GPBP1: variants seen among roughly 807,000 people sequenced by gnomAD.
The protein encoded by GPBP1 is vasculin.
GPBP1 carries 13 observed loss-of-function variants against 56.5 expected under a neutral mutation model. That is an observed-to-expected ratio of 0.23 (90% CI 0.15 to 0.37). The LOEUF is 0.37. Ranked by LOEUF, GPBP1 falls within the 10% of genes least tolerant of loss-of-function variation. The pLI is 1.00. For synonymous variants in GPBP1, 204 were observed against 188.9 expected, an observed-to-expected ratio of 1.08 and a Z score of -0.66; for missense variants, 477 against 572.3, an observed-to-expected ratio of 0.83 and a Z score of 1.70.
chr5:57,189,262 G>A (rs1275550544), intron 2 of GPBP1, among the ~76,000 whole-genome samples: 1 of 152,204 alleles, frequency 6.6e-6, no homozygotes. Context: ...GGGATTACAG[G>A]TGCCTGCCAC....
rs960836041 is a variant in GPBP1 at position 57,263,796 on chromosome 5, C to T, written c.*1044C>T. ...GAATGACTGTTAACTACTTTATTTT[C>T]ATTTGCACATTAATTTTGGAATTGT... On this transcript the variant is annotated 3_prime_UTR_variant, in exon 12 of 12. Transcript: ENST00000506184. 1 of 152,082 alleles carries T rather than the reference C, an allele frequency of 6.6e-6. No individual in the cohort carries two copies. 9.4% of individuals were successfully genotyped at this position (152,082 alleles called of 1,614,324 possible).
intron 2 of GPBP1, among the ~76,000 whole-genome samples, chr5:57,183,817 G>C (rs979405839): frequency 6.7e-6 from 1 of 148,548 alleles, no homozygotes; most frequent in African/African-American, 2.5e-5. Flanking sequence ...TATCACCCAG[G>C]CTGGAGGGCA....
At chr5:57,213,471 CTTTTTT>C (rs138933215) in intron 2 of GPBP1, among the ~76,000 whole-genome samples, 23 of 144,950 alleles carry the variant, frequency 1.6e-4, no homozygotes, top group African/African-American at 5.8e-4. Flanking sequence ...TCATAATTTT[CTTTTTT>C]TTTTTTTAAG....
In GPBP1 at chr5:57,246,362, A is replaced by G. The variant is rs1312534320; in HGVS notation, c.541A>G (p.Lys181Glu). 7 of 1,613,738 alleles carry G rather than the reference A, an allele frequency of 4.3e-6. No individual in the cohort carries two copies. Among genetic ancestry groups the G allele is most frequent in the Non-Finnish European group, 5.9e-6 (7 of 1,179,644 alleles). Residue 181 changes from lysine to glutamate, a missense_variant, in exon 7 of 12, where the codon AAA becomes GAA. Lys to Glu is a moderately conservative substitution (Grantham distance 56). This residue lies in a region of GPBP1 where 414 missense variants were observed against 458.2 expected (regional missense o/e 0.90). Transcript: ENST00000506184. ...RMLVIKKGNT[K>E]DLQLSGFPVV... ...GCTGGTCATTAAGAAAGGTAATACA[A>G]AAGACTTACAGCTATCTGGATTCCC... is the stretch of plus-strand genomic sequence containing the variant.
intron 10 of GPBP1, among the ~76,000 whole-genome samples, chr5:57,251,990 CATTTAAAAA>C (rs1741414157): frequency 6.6e-6 from 1 of 152,126 alleles, no homozygotes; most frequent in Non-Finnish European, 1.5e-5. Flanking sequence ...ATACTTCGCT[CATTTAAAAA>C]TTACATTTTC....
rs140120020 is a variant in GPBP1, at chr5:57,249,566, G to T, written c.962G>T (p.Gly321Val). The change falls in exon 9 of 12, where the codon GGC (glycine) becomes GTC (valine). Residue 321 changes from glycine (G) to valine (V), a missense_variant. Gly to Val is a moderately radical substitution (Grantham distance 109). Around this residue, in one of 2 missense-constraint regions of GPBP1, gnomAD observed 414 missense variants for 458.2 expected, o/e 0.90. Coordinates refer to ENST00000506184, the MANE Select transcript of GPBP1 (RefSeq NM_022913.4). ...GAACATGAAGATGAAAGCCGTGCTG[G>T]CTCAGAGAAGGTAATTGAATTTATA... ...EEEHEDESRA[G>V]SEKDDDSFNL... 3.3e-5 allele frequency: 53 copies of T among 1,597,352 alleles called. No individual in the cohort carries two copies. The East Asian group carries it at 1.1e-3, about 34-fold the overall frequency.
intron 2 of GPBP1, among the ~76,000 whole-genome samples, chr5:57,180,973 C>A (rs1220616925): frequency 1.3e-5 from 2 of 152,172 alleles, no homozygotes; most frequent in Non-Finnish European, 2.9e-5. Context: ...AACTCCTGAT[C>A]TCAGGTGATC....
chr5:57,181,161 G>C (rs1008022685), intron 2 of GPBP1, among the ~76,000 whole-genome samples: 2 of 152,068 alleles, frequency 1.3e-5, no homozygotes, highest in East Asian at 1.9e-4. Context: ...TAACAAGACT[G>C]TCTCTCTACA....
intron 7 of GPBP1, 60 bp downstream of exon 7, chr5:57,246,544 G>T: frequency 7.3e-7 from 1 of 1,374,898 alleles, no homozygotes; most frequent in South Asian, 1.3e-5. Context: ...ATGTCCTATG[G>T]GGGGAAATGT....
chr5:57,185,422 G>A (rs1754244509), intron 2 of GPBP1, among the ~76,000 whole-genome samples: 1 of 151,866 alleles, frequency 6.6e-6, no homozygotes, highest in African/African-American at 2.4e-5. Flanking sequence ...CACAATGCCC[G>A]GCTAATTTTT....
At chr5:57,228,837 G>T (rs1240828604) in intron 3 of GPBP1, among the ~76,000 whole-genome samples, 1 of 150,814 alleles carries the variant, frequency 6.6e-6, no homozygotes, top group East Asian at 1.9e-4. Context: ...AGACTTAAAA[G>T]ATGACAAATA....
At chr5:57,229,972 C>CGTCCT (rs3080746) in intron 3 of GPBP1, among the ~76,000 whole-genome samples, 1 of 150,790 alleles carries the variant, frequency 6.6e-6, no homozygotes, top group Non-Finnish European at 1.5e-5. Context: ...CGTCCCGTCC[C>CGTCCT]TTCTCACATG....
chr5:57,247,555 T>C (rs988800228), intron 8 of GPBP1, among the ~76,000 whole-genome samples: 3 of 151,912 alleles, frequency 2.0e-5, no homozygotes, highest in Non-Finnish European at 4.4e-5. Flanking sequence ...CATGGTGGTA[T>C]GTGCCTGTGG....
intron 10 of GPBP1, among the ~76,000 whole-genome samples, chr5:57,256,794 G>GT (rs1255124708): frequency 1.3e-5 from 2 of 152,222 alleles, no homozygotes; most frequent in South Asian, 2.1e-4. Context: ...TTCCTTGACT[G>GT]TTTAAGTAGA....
chr5:57,251,269 A>G, intron 10 of GPBP1, 128 bp downstream of exon 10: 2 of 765,484 alleles, frequency 2.6e-6, no homozygotes, highest in Non-Finnish European at 4.1e-6. Flanking sequence ...CCATTATGAT[A>G]TACAGATGGT....
chr5:57,220,757 G>A (rs1430779609), intron 3 of GPBP1, among the ~76,000 whole-genome samples: 5 of 152,056 alleles, frequency 3.3e-5, no homozygotes, highest in South Asian at 2.1e-4. Flanking sequence ...ACTGCACCCC[G>A]CCCAATTTGA....
intron 6 of GPBP1, among the ~76,000 whole-genome samples, chr5:57,245,112 CT>C (rs1741029745): frequency 6.6e-6 from 1 of 152,048 alleles, no homozygotes; most frequent in South Asian, 2.1e-4. Flanking sequence ...GGTAGTAATA[CT>C]TTGTGTGTTT....
chr5:57,250,941 C>G lies in GPBP1; in HGVS notation c.973-13C>G. 2 of 1,387,742 alleles carry G rather than the reference C, an allele frequency of 1.4e-6. No individual in the cohort carries two copies. Among genetic ancestry groups the G allele is most frequent in the South Asian group, 1.4e-5 (1 of 70,740 alleles). 86.0% of individuals were successfully genotyped at this position (1,387,742 alleles called of 1,614,324 possible). ...CTCATTCTTTTTTTTTTTTTTAACT[C>G]TCTAAAAATCAGGATGACGACTCAT... On this transcript the variant is annotated splice_polypyrimidine_tract_variant and intron_variant, in intron 9 of 11. Transcript: ENST00000506184.
chr5:57,235,072 A>G (rs1178059156), intron 5 of GPBP1, among the ~76,000 whole-genome samples: 1 of 152,094 alleles, frequency 6.6e-6, no homozygotes, highest in Non-Finnish European at 1.5e-5. Flanking sequence ...TTTGGGAGGC[A>G]GAGGCAGGTG....
Sources: allele counts gnomAD v4.1 joint callset (sites outside exome capture counted in the v4.1 genomes callset), GRCh38; gene constraint gnomAD v4.1.1; regional missense constraint gnomAD v4.1.1; transcripts MANE v1.5; gene names NCBI Gene and HGNC (gene_info 2026-07-23, HGNC 2026-07-21).